The following LDB2 variants were observed in gnomAD, a reference collection of about 807,000 sequenced individuals.
LDB2 encodes LIM domain binding 2.
Under a neutral mutation model 44.3 loss-of-function variants are expected in LDB2, and 12 were observed. The ratio of observed to expected loss-of-function variants is 0.27; its 90% CI spans 0.17 to 0.44. The LOEUF is 0.44. Among genes scored for constraint, LDB2 ranks in the 20% least tolerant of loss-of-function variants. The pLI, the probability that LDB2 is intolerant of heterozygous loss-of-function variation, is 1.00. For synonymous variants in LDB2, 164 were observed against 174.8 expected (o/e 0.94, Z 0.49); for missense variants, 344 against 473.5 (o/e 0.73, Z 2.54).
intron 1 of LDB2, among the ~76,000 whole-genome samples, chr4:16,770,908 G>A (rs764261495): frequency 2.0e-5 from 3 of 152,118 alleles, no homozygotes; most frequent in South Asian, 4.1e-4. Context: ...ACCGCGCATC[G>A]TATTACATCA....
At chr4:16,644,551 C>T (rs1177892149) in intron 2 of LDB2, among the ~76,000 whole-genome samples, 3 of 151,954 alleles carry the variant, frequency 2.0e-5, no homozygotes, top group African/African-American at 7.3e-5. Context: ...CCTCAGCCTC[C>T]CGAGTAGCTG....
chr4:16,795,416 C>T (rs949987985), intron 1 of LDB2, among the ~76,000 whole-genome samples: 12 of 152,198 alleles, frequency 7.9e-5, no homozygotes, highest in African/African-American at 2.9e-4. Context: ...TGAGCAAGCC[C>T]TTCCTAACAT....
rs34869059 is a variant in LDB2 at position 16,645,543 on chromosome 4, C to CA, written c.236-49669dup. ...TGGGCGACAGAGCGAGACTCCGTCT[C>CA]AAAAAAAAAAAAAAAAAAAAAGGAT... On this transcript the variant is annotated intron_variant, in intron 2 of 7. Coordinates refer to ENST00000304523, the MANE Select transcript of LDB2 (RefSeq NM_001290.5). Among the ~76,000 whole-genome samples, 385 of 85,382 alleles carry CA rather than the reference C, an allele frequency of 4.5e-3. 9 individuals are homozygous for CA. The highest frequency in any genetic ancestry group is 0.012 in the South Asian group (27 of 2,312). 56.0% of individuals were successfully genotyped at this position (85,382 alleles called of 152,430 possible).
intron 1 of LDB2, among the ~76,000 whole-genome samples, chr4:16,862,539 A>G (rs1713003987): frequency 6.7e-6 from 1 of 148,964 alleles, no homozygotes; most frequent in African/African-American, 2.5e-5. Context: ...AGGCTGAGAC[A>G]GGAGAATTGC....
chr4:16,659,621 CAT>C (rs1208272324), intron 2 of LDB2, among the ~76,000 whole-genome samples: 4 of 141,654 alleles, frequency 2.8e-5, no homozygotes, highest in South Asian at 2.2e-4. Flanking sequence ...CACACACACA[CAT>C]ACATAGTTTA....
intron 2 of LDB2, among the ~76,000 whole-genome samples, chr4:16,717,266 A>T (rs1023477267): frequency 6.6e-6 from 1 of 152,096 alleles, no homozygotes. Context: ...AGTTGAACAG[A>T]AGATGACTCC....
chr4:16,578,327 T>C (rs1712685588), intron 5 of LDB2, among the ~76,000 whole-genome samples: 1 of 151,968 alleles, frequency 6.6e-6, no homozygotes, highest in South Asian at 2.1e-4. Flanking sequence ...TTAATAACCA[T>C]AATACACGAG....
chr4:16,537,831 C>T (rs1732388657), intron 5 of LDB2, among the ~76,000 whole-genome samples: 1 of 152,188 alleles, frequency 6.6e-6, no homozygotes, highest in African/African-American at 2.4e-5. Flanking sequence ...ACTGGTTTCT[C>T]AAGCTCCGGT....
chr4:16,739,660 ATG>A (rs1491296643), intron 2 of LDB2, among the ~76,000 whole-genome samples: 3 of 81,214 alleles, frequency 3.7e-5, no homozygotes, highest in African/African-American at 1.3e-4. Context: ...GTGTGTATAT[ATG>A]TATATATACA....
chr4:16,857,599 C>T (rs965420719), intron 1 of LDB2, among the ~76,000 whole-genome samples: 6 of 152,164 alleles, frequency 3.9e-5, no homozygotes, highest in Admixed American at 1.3e-4. Flanking sequence ...CACTCTGCTC[C>T]GAGCACAAAG....
At chr4:16,706,034 T>TA (rs1298226933) in intron 2 of LDB2, among the ~76,000 whole-genome samples, 3 of 152,198 alleles carry the variant, frequency 2.0e-5, no homozygotes, top group African/African-American at 7.2e-5. Context: ...TTCAAACTAT[T>TA]AGAGACAATA....
At chr4:16,893,349 T>G (rs1723964305) in intron 1 of LDB2, among the ~76,000 whole-genome samples, 1 of 152,122 alleles carries the variant, frequency 6.6e-6, no homozygotes, top group South Asian at 2.1e-4. Flanking sequence ...GCATTTTTTC[T>G]TTTTCTCCAC....
chr4:16,549,185 T>C lies in LDB2; in HGVS notation c.615+36737A>G, dbSNP rs377594885. Among the ~76,000 whole-genome samples, 321 of 152,340 alleles carry C rather than the reference T, an allele frequency of 2.1e-3. 2 individuals carry two copies. Among genetic ancestry groups the C allele is most frequent in the Non-Finnish European group, 3.8e-3 (261 of 68,030 alleles). The stretch of plus-strand genomic sequence containing the variant: ...CAACCTTAGTGCTGTTTCAAAGTTT[T>C]TCCTGGTTTCATCTGAATGCCCAGC... On this transcript the variant is annotated intron_variant, in intron 5 of 7. Coordinates refer to ENST00000304523, the MANE Select transcript of LDB2 (RefSeq NM_001290.5).
intron 2 of LDB2, among the ~76,000 whole-genome samples, chr4:16,738,248 C>T (rs965060557): frequency 6.6e-6 from 1 of 152,162 alleles, no homozygotes; most frequent in Non-Finnish European, 1.5e-5. Context: ...AGAAACATCA[C>T]AAGCCCTGTT....
chr4:16,880,110 G>A (rs534904074), intron 1 of LDB2, among the ~76,000 whole-genome samples: 5 of 151,994 alleles, frequency 3.3e-5, no homozygotes, highest in East Asian at 3.9e-4. Flanking sequence ...TTATCAAACC[G>A]ATCCCAGCCT....
At chr4:16,762,254 C>T (rs1362065238) in intron 1 of LDB2, among the ~76,000 whole-genome samples, 1 of 152,172 alleles carries the variant, frequency 6.6e-6, no homozygotes, top group Non-Finnish European at 1.5e-5. Flanking sequence ...TTCCCTATCA[C>T]TTCAACCATT....
chr4:16,579,313 A>G (rs558325090), intron 5 of LDB2, among the ~76,000 whole-genome samples: 2 of 152,306 alleles, frequency 1.3e-5, no homozygotes, highest in South Asian at 4.1e-4. Context: ...CCTACTATGT[A>G]CCCTGAAAAT....
intron 2 of LDB2, among the ~76,000 whole-genome samples, chr4:16,739,670 ACATATGTG>A (rs1177933116): frequency 3.8e-5 from 3 of 78,878 alleles, no homozygotes; most frequent in Non-Finnish European, 7.2e-5. Context: ...ATGTATATAT[ACATATGTG>A]TGTATATATG....
intron 1 of LDB2, among the ~76,000 whole-genome samples, chr4:16,853,055 T>C (rs1323107446): frequency 6.6e-6 from 1 of 152,200 alleles, no homozygotes; most frequent in African/African-American, 2.4e-5. Flanking sequence ...TTTTCAAATA[T>C]GCATGTACTA....
Sources: allele counts gnomAD v4.1 joint callset (sites outside exome capture counted in the v4.1 genomes callset), GRCh38; gene constraint gnomAD v4.1.1; transcripts MANE v1.5; gene names NCBI Gene and HGNC (gene_info 2026-07-23, HGNC 2026-07-21).